PCDH11Y: variants seen among roughly 807,000 people sequenced by gnomAD.
PCDH11Y encodes protocadherin-11 Y-linked.
For missense variants in PCDH11Y, 12 were observed against 224.8 expected (o/e 0.05, Z 6.05); for synonymous variants, 9 against 83.6 (o/e 0.11, Z 4.87).
At chrY:5,172,996 C>A (rs2124645809) in intron 2 of PCDH11Y, among the ~76,000 whole-genome samples, 1 of 32,789 alleles carries the variant, frequency 3.0e-5, no homozygotes, top group South Asian at 6.7e-4. Flanking sequence ...TAGGAAAAAA[C>A]ATTAAAACAA....
In PCDH11Y at chrY:5,561,760, G is replaced by A. The variant is rs1602943427; in HGVS notation, c.3329-20015G>A. On this transcript the variant is annotated intron_variant, in intron 3 of 4. Coordinates refer to the PCDH11Y transcript ENST00000400457. ...TAAATTACCCAGTCTCAGGTATGTCGTTATTAGCAGTGTGAAAATGGACTA... is the reference window on the plus strand; with the variant it reads ...TAAATTACCCAGTCTCAGGTATGTCATTATTAGCAGTGTGAAAATGGACTA... 1.8e-3 allele frequency among the ~76,000 whole-genome samples: 36 copies of A among 19,594 alleles called. No individual in the cohort carries two copies. The East Asian group carries it at 0.045, about 24-fold the overall frequency. 52.6% of individuals were successfully genotyped at this position (19,594 alleles called of 37,273 possible).
chrY:5,386,154 T>A lies in PCDH11Y; in HGVS notation c.3130-114903T>A, dbSNP rs2124675318. On this transcript the variant is annotated intron_variant, in intron 2 of 4. Coordinates refer to the PCDH11Y transcript ENST00000400457. ...ATACAATACTTTTGGCTGATAATTA[T>A]TTTGTTTAAAGAAGTTAAAGATAGG... 8.9e-5 allele frequency among the ~76,000 whole-genome samples: 3 copies of A among 33,705 alleles called. No homozygotes were observed. The East Asian group carries it at 2.3e-3, about 26-fold the overall frequency. The allele number at this position is 33,705 out of a possible 37,273, so 90.4% of individuals were successfully genotyped here.
intron 2 of PCDH11Y, among the ~76,000 whole-genome samples, chrY:5,416,889 G>C (rs1602922504): frequency 3.0e-5 from 1 of 32,898 alleles, no homozygotes; most frequent in East Asian, 8.2e-4. Flanking sequence ...ATAGCCTGGA[G>C]CTTAGTGTAT....
At chrY:5,350,333 T>G in intron 2 of PCDH11Y, among the ~76,000 whole-genome samples, 1 of 31,608 alleles carries the variant, frequency 3.2e-5, no homozygotes, top group African/African-American at 1.3e-4. Context: ...ACTCGTTAAC[T>G]CGTCATTTAC....
At chrY:5,103,717 C>T (rs2052783090), downstream of PCDH11Y, among the ~76,000 whole-genome samples, 1 of 32,237 alleles carries the variant, frequency 3.1e-5, no homozygotes, top group Non-Finnish European at 7.5e-5. Flanking sequence ...GATGAGGCTA[C>T]ACATTATCTT....
At chrY:5,595,440 A>AT (rs761925496) in intron 4 of PCDH11Y, among the ~76,000 whole-genome samples, 50 of 32,759 alleles carry the variant, frequency 1.5e-3, no homozygotes, top group Non-Finnish European at 2.8e-3. Context: ...TTTTTCCATT[A>AT]TTTTTTTTCT....
At chrY:5,435,463 GC>G (rs2053273967) in intron 2 of PCDH11Y, among the ~76,000 whole-genome samples, 1 of 30,805 alleles carries the variant, frequency 3.2e-5, no homozygotes, top group Non-Finnish European at 7.8e-5. Flanking sequence ...ACAGGCGCCC[GC>G]CACCATGCCC....
intron 4 of PCDH11Y, among the ~76,000 whole-genome samples, chrY:5,717,554 T>C (rs2053591006): frequency 2.9e-5 from 1 of 33,942 alleles, no homozygotes. Flanking sequence ...CAATGAGATA[T>C]CATCTCGCCC....
At chrY:5,336,018 A>T in intron 2 of PCDH11Y, among the ~76,000 whole-genome samples, 1 of 32,736 alleles carries the variant, frequency 3.1e-5, no homozygotes, top group African/African-American at 1.2e-4. Flanking sequence ...TTCATTTTTT[A>T]AAATTTTAAG....
At chrY:5,386,373 G>A in intron 2 of PCDH11Y, among the ~76,000 whole-genome samples, 1 of 32,486 alleles carries the variant, frequency 3.1e-5, no homozygotes, top group Non-Finnish European at 7.5e-5. Flanking sequence ...GGTGTTCTTT[G>A]AGCTTTTTGT....
At chrY:5,657,629 A>G in intron 4 of PCDH11Y, among the ~76,000 whole-genome samples, 1 of 31,303 alleles carries the variant, frequency 3.2e-5, no homozygotes, top group South Asian at 7.1e-4. Context: ...TCATTTTCTT[A>G]TTTGTTTTCT....
At chrY:5,688,832 G>T in intron 4 of PCDH11Y, among the ~76,000 whole-genome samples, 2 of 31,947 alleles carry the variant, frequency 6.3e-5, no homozygotes, top group African/African-American at 1.2e-4. Flanking sequence ...TTGATATTTT[G>T]ATTTTTAATG....
chrY:5,377,572 C>T (rs2053198859), intron 2 of PCDH11Y, among the ~76,000 whole-genome samples: 1 of 33,438 alleles, frequency 3.0e-5, no homozygotes, highest in Non-Finnish European at 7.4e-5. Flanking sequence ...TATGTTTATG[C>T]ATATATGCAT....
chrY:5,062,635 T>G, intron 1 of PCDH11Y, among the ~76,000 whole-genome samples: 1 of 33,208 alleles, frequency 3.0e-5, no homozygotes, highest in African/African-American at 1.2e-4. Context: ...ATTAAGTAAC[T>G]TTTGACTTCA....
At chrY:5,221,796 T>G in intron 2 of PCDH11Y, among the ~76,000 whole-genome samples, 1 of 32,045 alleles carries the variant, frequency 3.1e-5, no homozygotes, top group East Asian at 8.4e-4. Flanking sequence ...TTAATTTTTC[T>G]GGCAGGGACT....
At chrY:5,638,805 G>A (rs1602955240) in intron 4 of PCDH11Y, among the ~76,000 whole-genome samples, 26 of 31,831 alleles carry the variant, frequency 8.2e-4, no homozygotes, top group Non-Finnish European at 1.3e-3. Flanking sequence ...TCATAGTGAC[G>A]TCATATTCTT....
intron 4 of PCDH11Y, among the ~76,000 whole-genome samples, chrY:5,721,070 G>C: frequency 3.0e-5 from 1 of 33,619 alleles, no homozygotes; most frequent in South Asian, 6.6e-4. Context: ...GGTTAGGCAT[G>C]TTAAGAAGAC....
At chrY:5,424,619 G>A in intron 2 of PCDH11Y, among the ~76,000 whole-genome samples, 1 of 33,802 alleles carries the variant, frequency 3.0e-5, no homozygotes, top group Non-Finnish European at 7.4e-5. Flanking sequence ...TTTACTTTCG[G>A]AAACATGTGC....
chrY:5,333,036 A>T (rs1473539190), intron 2 of PCDH11Y, among the ~76,000 whole-genome samples: 3 of 32,182 alleles, frequency 9.3e-5, no homozygotes, highest in Non-Finnish European at 1.5e-4. Flanking sequence ...CAATATGATT[A>T]AAAAAAAAGC....
Sources: allele counts gnomAD v4.1 joint callset (sites outside exome capture counted in the v4.1 genomes callset), GRCh38; gene constraint gnomAD v4.1.1; transcripts MANE v1.5; gene names NCBI Gene and HGNC (gene_info 2026-07-23, HGNC 2026-07-21).